Variants in ANKRD62 observed in about 807,000 individuals in gnomAD.
ANKRD62 encodes ankyrin repeat domain 62.
ANKRD62 carries 61 observed loss-of-function variants against 98.8 expected under a neutral mutation model. That is an observed-to-expected ratio of 0.62 (90% CI 0.50 to 0.76). ANKRD62 has a LOEUF of 0.76. Among genes scored for constraint, ANKRD62 ranks in the 30% least tolerant of loss-of-function variants. The probability of loss-of-function intolerance (pLI) is 0.00; values close to 1 mark genes in which losing one functional copy is unlikely to be tolerated. For missense variants in ANKRD62, 933 were observed against 1,082.9 expected, an observed-to-expected ratio of 0.86 and a Z score of 1.94; for synonymous variants, 341 against 367.9, an observed-to-expected ratio of 0.93 and a Z score of 0.84.
the ANKRD62 span, among the ~76,000 whole-genome samples, chr18:12,145,355 T>C: frequency 6.6e-6 from 1 of 152,220 alleles, no homozygotes; most frequent in Non-Finnish European, 1.5e-5. Flanking sequence ...AACAAAGATG[T>C]CAGCCCATTT....
the ANKRD62 span, among the ~76,000 whole-genome samples, chr18:12,167,849 T>G: frequency 6.6e-6 from 1 of 152,206 alleles, no homozygotes; most frequent in Admixed American, 6.5e-5. Flanking sequence ...GGTATCTCAT[T>G]GTGGTTTTGA....
Position 12,126,032 on chromosome 18 carries a change from G to A in ANKRD62, c.2211G>A (p.Met737Ile). The part of the protein sequence containing the change: ...LKEKTLHIEH[M>I]QGVLSRTQRR... ...AAAAGACGTTGCATATAGAACACATGCAAGGAGTCCTAAGCCGAACACAGC... is the reference window on the plus strand; with the variant it reads ...AAAAGACGTTGCATATAGAACACATACAAGGAGTCCTAAGCCGAACACAGC... The change falls in exon 13 of 14, where the codon ATG becomes ATA. Residue 737 changes from methionine (M) to isoleucine (I), a missense_variant. Met to Ile is a conservative substitution (Grantham distance 10, BLOSUM62 1). Coordinates refer to ENST00000587848, the MANE Select transcript of ANKRD62 (RefSeq NM_001277333.2). 1 of 1,536,384 alleles carries A rather than the reference G, an allele frequency of 6.5e-7. No individual in the cohort carries two copies. The highest frequency in any genetic ancestry group is 8.7e-7 in the Non-Finnish European group (1 of 1,146,924).
At chr18:12,162,040 C>T in the ANKRD62 span, among the ~76,000 whole-genome samples, 1 of 152,086 alleles carries the variant, frequency 6.6e-6, no homozygotes, top group Non-Finnish European at 1.5e-5. Context: ...GGGTATATAC[C>T]TAGCAATGGG....
At chr18:12,112,936 C>G (rs1230191902) in intron 8 of ANKRD62, among the ~76,000 whole-genome samples, 1 of 152,124 alleles carries the variant, frequency 6.6e-6, no homozygotes, top group Non-Finnish European at 1.5e-5. Flanking sequence ...GGCGTTGTCT[C>G]CCAGGCTGGA....
the ANKRD62 span, among the ~76,000 whole-genome samples, chr18:12,172,140 A>G: frequency 6.6e-6 from 1 of 151,994 alleles, no homozygotes. Context: ...TCTTCTCTCA[A>G]CTCGTCAAAG....
intron 8 of ANKRD62, among the ~76,000 whole-genome samples, chr18:12,109,589 T>G (rs1320208304): frequency 1.3e-5 from 2 of 152,222 alleles, no homozygotes; most frequent in East Asian, 3.8e-4. Context: ...AAAATTGTTG[T>G]TTTTCTCAAT....
At chr18:12,135,799 A>G in the ANKRD62 span, among the ~76,000 whole-genome samples, 5 of 152,070 alleles carry the variant, frequency 3.3e-5, no homozygotes, top group African/African-American at 7.2e-5. Context: ...GCCAGTGATT[A>G]TGAGCATTTT....
At chr18:12,102,736 T>A (rs1216934508) in intron 6 of ANKRD62, 1 of 1,006,458 alleles carries the variant, frequency 9.9e-7, no homozygotes, top group African/African-American at 1.7e-5. Context: ...GCAGTAACAG[T>A]CATATTGGAA....
chr18:12,104,696 A>G (rs886915811), intron 7 of ANKRD62, among the ~76,000 whole-genome samples: 1 of 152,198 alleles, frequency 6.6e-6, no homozygotes, highest in Non-Finnish European at 1.5e-5. Flanking sequence ...CTTAAAGAAA[A>G]TACCCTCAAA....
At chr18:12,132,702 T>C (rs941673729), downstream of ANKRD62, among the ~76,000 whole-genome samples, 1 of 152,168 alleles carries the variant, frequency 6.6e-6, no homozygotes, top group Non-Finnish European at 1.5e-5. Flanking sequence ...TGTTCAATTT[T>C]CTCAAATGCT....
chr18:12,164,353 T>C, the ANKRD62 span, among the ~76,000 whole-genome samples: 1 of 151,998 alleles, frequency 6.6e-6, no homozygotes, highest in East Asian at 1.9e-4. Flanking sequence ...GTCTTTTTTT[T>C]CGTCTCTGAT....
intron 7 of ANKRD62, among the ~76,000 whole-genome samples, chr18:12,103,808 A>G (rs1390995041): frequency 6.6e-6 from 1 of 152,144 alleles, no homozygotes; most frequent in Non-Finnish European, 1.5e-5. Flanking sequence ...AATTTATTTC[A>G]ACATAGGAAA....
At chr18:12,169,136 G>C in the ANKRD62 span, among the ~76,000 whole-genome samples, 1 of 152,028 alleles carries the variant, frequency 6.6e-6, no homozygotes, top group Non-Finnish European at 1.5e-5. Flanking sequence ...TCTTTATCTT[G>C]CCTGATTGCC....
chr18:12,170,063 G>A, the ANKRD62 span, among the ~76,000 whole-genome samples: 93,296 of 151,946 alleles, frequency 0.61, 29,067 homozygotes, highest in Middle Eastern at 0.76. Context: ...AGTTTTGTTG[G>A]TCTTTTCAAA....
chr18:12,165,049 A>G, the ANKRD62 span, among the ~76,000 whole-genome samples: 1 of 151,678 alleles, frequency 6.6e-6, no homozygotes, highest in Non-Finnish European at 1.5e-5. Context: ...TTCTCTTACA[A>G]TTTTTGTTTT....
At chr18:12,134,598 C>A (rs1400685214), downstream of ANKRD62, among the ~76,000 whole-genome samples, 2 of 152,098 alleles carry the variant, frequency 1.3e-5, no homozygotes, top group East Asian at 3.9e-4. Flanking sequence ...TTGTTCAGTT[C>A]CCACCTATGA....
At chr18:12,169,614 CCA>C in the ANKRD62 span, among the ~76,000 whole-genome samples, 7 of 152,050 alleles carry the variant, frequency 4.6e-5, no homozygotes, top group Non-Finnish European at 4.4e-5. Flanking sequence ...TGTGTCTCTG[CCA>C]GGCTTTGGTA....
chr18:12,100,952 G>A (rs1007793369), intron 6 of ANKRD62, among the ~76,000 whole-genome samples: 2 of 152,076 alleles, frequency 1.3e-5, no homozygotes, highest in African/African-American at 2.4e-5. Context: ...AGAACAGACC[G>A]GGGGCTGCCT....
chr18:12,095,997 C>T (rs1455702624), intron 3 of ANKRD62, among the ~76,000 whole-genome samples, 199 bp from the exon 4 acceptor site: 2 of 152,166 alleles, frequency 1.3e-5, no homozygotes. Context: ...TGCTACTGTG[C>T]CTTCCAGACA....
Sources: allele counts gnomAD v4.1 joint callset (sites outside exome capture counted in the v4.1 genomes callset), GRCh38; gene constraint gnomAD v4.1.1; transcripts MANE v1.5; gene names NCBI Gene and HGNC (gene_info 2026-07-23, HGNC 2026-07-21).